Variants in DPP3 observed in about 807,000 individuals in gnomAD.
DPP3 encodes the protein DPP III.
A neutral mutation model predicts 89.8 loss-of-function variants in DPP3; 64 were observed. The observed-to-expected ratio is 0.71, with a 90% confidence interval of 0.58 to 0.88. The LOEUF (loss-of-function observed/expected upper bound fraction) is 0.88, where lower values mean the gene tolerates loss of function less well. Among genes scored for constraint, DPP3 ranks in the 40% least tolerant of loss-of-function variants. The pLI is 0.00. For missense variants in DPP3, 835 were observed against 972.5 expected (o/e 0.86, Z 1.88); for synonymous variants, 377 against 404.3 (o/e 0.93, Z 0.81).
At chr11:66,504,291 A>G (rs995097036) in intron 16 of DPP3, among the ~76,000 whole-genome samples, 6 of 151,374 alleles carry the variant, frequency 4.0e-5, no homozygotes, top group Non-Finnish European at 8.8e-5. Flanking sequence ...GTCTTGCCAT[A>G]TTGTCCAGGC....
intron 6 of DPP3, among the ~76,000 whole-genome samples, chr11:66,488,761 A>G (rs1855301989): frequency 6.6e-6 from 1 of 152,118 alleles, no homozygotes; most frequent in Non-Finnish European, 1.5e-5. Flanking sequence ...CTCGCACCCC[A>G]GCCCCTGCTT....
intron 17 of DPP3, among the ~76,000 whole-genome samples, chr11:66,507,549 C>G (rs1003400576): frequency 1.1e-4 from 17 of 152,000 alleles, no homozygotes; most frequent in Admixed American, 9.8e-4. Flanking sequence ...AAACAGAACT[C>G]TGAACACTTA....
In DPP3 at chr11:66,504,857, A is replaced by G. The variant is rs1284435141; in HGVS notation, c.2041+83A>G. 3.6e-5 allele frequency: 51 copies of G among 1,423,044 alleles called. No individual in the cohort carries two copies. The South Asian group carries it at 6.4e-4, about 18-fold the overall frequency. The allele number at this position is 1,423,044 out of a possible 1,614,324, so 88.2% of individuals were successfully genotyped here. ...CTGGGAAGCAGTAAGAACCCATCCC[A>G]GGGCTCAATAAGAACCTAACCCAGC... is the stretch of plus-strand genomic sequence containing the variant. On this transcript the variant is annotated intron_variant, in intron 17 of 17. Transcript: ENST00000531863.
At chr11:66,485,518 G>A (rs1855202798) in intron 3 of DPP3, among the ~76,000 whole-genome samples, 1 of 152,192 alleles carries the variant, frequency 6.6e-6, no homozygotes, top group Non-Finnish European at 1.5e-5. Flanking sequence ...GAAGTGTTCT[G>A]TGAACTTTTA....
At chr11:66,499,814 C>T (rs1295911445) in intron 16 of DPP3, among the ~76,000 whole-genome samples, 3 of 151,894 alleles carry the variant, frequency 2.0e-5, no homozygotes, top group Non-Finnish European at 4.4e-5. Flanking sequence ...GCTATATTCA[C>T]CTTTTATCGC....
chr11:66,487,857 C>T, intron 5 of DPP3, 57 bp from the exon 6 acceptor site: 1 of 1,539,378 alleles, frequency 6.5e-7, no homozygotes, highest in Non-Finnish European at 8.9e-7. Context: ...TTTCCTTCCT[C>T]CCACCCCACT....
chr11:66,498,090 G>T (rs1474729290), intron 16 of DPP3, among the ~76,000 whole-genome samples: 3 of 144,238 alleles, frequency 2.1e-5, no homozygotes, highest in Non-Finnish European at 4.5e-5. Flanking sequence ...TCACCACCAC[G>T]CCCGGCTAAT....
chr11:66,483,515 C>T (rs1855143827), intron 2 of DPP3, among the ~76,000 whole-genome samples: 1 of 152,094 alleles, frequency 6.6e-6, no homozygotes, highest in Non-Finnish European at 1.5e-5. Context: ...AAATGTACCT[C>T]ATTCTTTTTT....
chr11:66,501,880 G>A (rs1322199482), intron 16 of DPP3, among the ~76,000 whole-genome samples: 1 of 149,848 alleles, frequency 6.7e-6, no homozygotes, highest in African/African-American at 2.4e-5. Flanking sequence ...GTAAAACTCA[G>A]GGAAAGCAAG....
intron 2 of DPP3, 35 bp from the exon 3 acceptor site, chr11:66,485,138 G>T (rs1855188195): frequency 6.2e-7 from 1 of 1,600,578 alleles, no homozygotes. Flanking sequence ...GGGAGGCTGT[G>T]CTTCCTGGGT....
chr11:66,496,426 TTC>T (rs1304374252), intron 15 of DPP3, among the ~76,000 whole-genome samples: 4 of 150,204 alleles, frequency 2.7e-5, no homozygotes, highest in Admixed American at 6.6e-5. Context: ...TATTTTTTTT[TTC>T]TTTTGAGACA....
At chr11:66,487,402 C>T in intron 5 of DPP3, 60 bp downstream of exon 5, 2 of 1,553,048 alleles carry the variant, frequency 1.3e-6, no homozygotes, top group Non-Finnish European at 1.8e-6. Context: ...GTCCCAGCCC[C>T]CTCACAACTG....
chr11:66,509,077 A>C lies in DPP3; in HGVS notation c.2042-2A>C. 6.2e-7 allele frequency: 1 copy of C among 1,613,750 alleles called. No homozygotes were observed. Among genetic ancestry groups the C allele is most frequent in the Non-Finnish European group, 8.5e-7 (1 of 1,179,846 alleles). On this transcript the variant is annotated splice_acceptor_variant, in intron 17 of 17. Coordinates refer to ENST00000531863, the MANE Select transcript of DPP3 (RefSeq NM_130443.4). LOFTEE classifies it high-confidence loss of function. ...GCTGTTTTCTCTCCATCTCCTCCCCAGGCTCAGACGTGCAGCTTCTGGAAT... is the reference window on the plus strand; with the variant it reads ...GCTGTTTTCTCTCCATCTCCTCCCCCGGCTCAGACGTGCAGCTTCTGGAAT...
intron 15 of DPP3, among the ~76,000 whole-genome samples, chr11:66,496,515 C>T (rs1008939926): frequency 6.6e-6 from 1 of 151,638 alleles, no homozygotes; most frequent in African/African-American, 2.4e-5. Flanking sequence ...CCTGGGTTCA[C>T]GCCATTCTCT....
At chr11:66,484,786 C>T (rs1463032886) in intron 2 of DPP3, among the ~76,000 whole-genome samples, 1 of 151,368 alleles carries the variant, frequency 6.6e-6, no homozygotes, top group East Asian at 2.0e-4. Flanking sequence ...ACATGTGATG[C>T]TTCCAAGGCC....
intron 17 of DPP3, among the ~76,000 whole-genome samples, chr11:66,505,612 C>T (rs1855780364): frequency 6.6e-6 from 1 of 152,104 alleles, no homozygotes; most frequent in South Asian, 2.1e-4. Flanking sequence ...CCCCATTTTA[C>T]AGGTAAGGAA....
intron 17 of DPP3, among the ~76,000 whole-genome samples, chr11:66,505,688 T>C (rs1855781480): frequency 6.6e-6 from 1 of 151,856 alleles, no homozygotes; most frequent in Non-Finnish European, 1.5e-5. Flanking sequence ...AAGAGTCAAA[T>C]TAAGAGTGGT....
At position 66,485,231 on chromosome 11, in the gene DPP3, G is replaced by A; in HGVS notation, c.329G>A (p.Gly110Asp). Residue 110 changes from glycine (G) to aspartate (D), a missense_variant, in exon 3 of 18, where the codon GGT (glycine) becomes GAT (aspartate). Physicochemically the swap from Gly to Asp is moderately conservative, Grantham distance 94. Transcript: ENST00000531863. ...YSNMGNYKSF[G>D]DTKFVPNLPK... ...AACATGGGCAACTACAAGTCCTTTG[G>A]TGACACCAAGTTTGTTCCCAACTTG... The A allele has an allele frequency of 6.2e-7, 1 of 1,614,132 alleles. No homozygotes were observed. Among genetic ancestry groups the A allele is most frequent in the Non-Finnish European group, 8.5e-7 (1 of 1,180,018 alleles).
At chr11:66,488,297 C>T (rs1855289129) in intron 6 of DPP3, among the ~76,000 whole-genome samples, 3 of 152,218 alleles carry the variant, frequency 2.0e-5, no homozygotes, top group South Asian at 2.1e-4. Flanking sequence ...CATGGCAGCT[C>T]ACACCTGTAA....
Sources: gnomAD v4.1 joint callset for allele counts (sites outside exome capture counted in the v4.1 genomes callset) on GRCh38, gnomAD v4.1.1 for gene constraint, MANE v1.5 for transcripts, NCBI Gene and HGNC (gene_info 2026-07-23, HGNC 2026-07-21) for gene names.